The following CEP135 variants were observed in gnomAD, a reference collection of about 807,000 sequenced individuals.
CEP135 encodes the protein centrosomal protein of 135 kDa.
A neutral mutation model predicts 157.3 loss-of-function variants in CEP135; 142 were observed. That is an observed-to-expected ratio of 0.90 (90% confidence interval 0.79 to 1.04). The LOEUF is 1.04. CEP135 is among the 50% of genes least tolerant of loss of function. The pLI, the probability that CEP135 is intolerant of heterozygous loss-of-function variation, is 0.00. For missense variants in CEP135, 1,317 were observed against 1,309.2 expected, an observed-to-expected ratio of 1.01 and a Z score of -0.09; for synonymous variants, 396 against 439.8, an observed-to-expected ratio of 0.90 and a Z score of 1.25.
Position 56,009,763 on chromosome 4 carries a change from G to T in CEP135, c.2365G>T (p.Asp789Tyr). 6.2e-7 allele frequency: 1 copy of T among 1,611,684 alleles called. No individual in the cohort carries two copies. The highest frequency in any genetic ancestry group is 8.5e-7 in the Non-Finnish European group (1 of 1,179,554). Residue 789 changes from aspartate to tyrosine, a missense_variant, in exon 19 of 26, where the codon GAT (aspartate) becomes TAT (tyrosine). Physicochemically the swap from Asp to Tyr is radical, Grantham distance 160. Coordinates refer to ENST00000257287, the MANE Select transcript of CEP135 (RefSeq NM_025009.5). ...GCTGAAAGAAACATTGGTTAATCGA[G>T]ATCGTGAGATAAACAGCCTCCGGCG... is the stretch of plus-strand genomic sequence containing the variant. ...NQLKETLVNRDREINSLRRQL... is the reference protein window; with the variant it reads ...NQLKETLVNRYREINSLRRQL...
In CEP135 at chr4:55,982,172, T is replaced by C. The variant is rs1577883925; in HGVS notation, c.1779+793T>C. On this transcript the variant is annotated intron_variant, in intron 13 of 25. Coordinates refer to ENST00000257287, the MANE Select transcript of CEP135 (RefSeq NM_025009.5). Reference sequence around the variant, plus strand: ...CCTGTGTCTCTATAGATCTTCCTGCTCTGGATATTTCATATAAATTGAATC... The same window carrying C: ...CCTGTGTCTCTATAGATCTTCCTGCCCTGGATATTTCATATAAATTGAATC... Among the ~76,000 whole-genome samples, 3 of 152,290 alleles carry C rather than the reference T, an allele frequency of 2.0e-5. 1 individual carries two copies. In the South Asian group the frequency reaches 6.2e-4, roughly 32 times the overall value.
At chr4:55,982,140 G>GCAGC (rs1330738553) in intron 13 of CEP135, among the ~76,000 whole-genome samples, 7 of 152,158 alleles carry the variant, frequency 4.6e-5, no homozygotes, top group African/African-American at 1.7e-4. Flanking sequence ...TTAGCCACAG[G>GCAGC]CAGCCACCTG....
At chr4:55,981,120 A>G (rs1729390009) in intron 12 of CEP135, 107 bp from the exon 13 acceptor site, 4 of 934,940 alleles carry the variant, frequency 4.3e-6, no homozygotes, top group Admixed American at 6.8e-5. Context: ...GAGTGACGGT[A>G]GCATGTGTTC....
intron 5 of CEP135, 140 bp from the exon 6 acceptor site, chr4:55,959,542 T>C (rs112578667): frequency 2.9e-6 from 2 of 690,950 alleles, no homozygotes; most frequent in Admixed American, 2.7e-5. Context: ...TATATTGATT[T>C]GGGGACCCTT....
chr4:56,008,936 C>T (rs1001652063), intron 18 of CEP135, among the ~76,000 whole-genome samples: 2 of 152,150 alleles, frequency 1.3e-5, no homozygotes, highest in African/African-American at 4.8e-5. Flanking sequence ...CTCACTCTGT[C>T]GCACAGGCTG....
At chr4:56,011,368 G>A in intron 19 of CEP135, 44 bp from the exon 20 acceptor site, 1 of 1,231,152 alleles carries the variant, frequency 8.1e-7, no homozygotes, top group Non-Finnish European at 1.2e-6. Flanking sequence ...AATTTATTTG[G>A]TGTTGTGTTC....
intron 3 of CEP135, among the ~76,000 whole-genome samples, chr4:55,953,994 G>A (rs944906817): frequency 6.6e-6 from 1 of 152,188 alleles, no homozygotes; most frequent in African/African-American, 2.4e-5. Flanking sequence ...TGTACGTTAG[G>A]CTAATACAGT....
rs1284684323 is a variant in CEP135, at chr4:55,980,202, G to A, written c.1533G>A (p.Met511Ile). ...ITRERDELQR[M>I]LERFEKYMED... ...GAGAAAGAGATGAACTTCAGCGTAT[G>A]CTAGAAAGATTTGAAAAATATATGG... Residue 511 changes from methionine to isoleucine, a missense_variant, in exon 12 of 26, where the codon ATG (methionine) becomes ATA (isoleucine). By Grantham distance (10) the Met-to-Ile change is conservative. Transcript: ENST00000257287. The A allele has an allele frequency of 9.3e-6, 15 of 1,608,878 alleles. No individual in the cohort carries two copies. Among genetic ancestry groups the A allele is most frequent in the Non-Finnish European group, 1.3e-5 (15 of 1,176,064 alleles).
intron 11 of CEP135, among the ~76,000 whole-genome samples, chr4:55,978,996 C>T (rs73817303): frequency 0.021 from 3,264 of 152,290 alleles, 114 homozygotes; most frequent in African/African-American, 0.073. Context: ...CATCATGCCT[C>T]GGTTTTGCTT....
chr4:55,955,605 A>T (rs1358828057), intron 4 of CEP135, among the ~76,000 whole-genome samples: 3 of 152,186 alleles, frequency 2.0e-5, no homozygotes, highest in African/African-American at 7.2e-5. Context: ...AAAAGAGGAT[A>T]ATCAGGTTTC....
intron 25 of CEP135, among the ~76,000 whole-genome samples, chr4:56,026,220 T>C (rs1731155060): frequency 6.6e-6 from 1 of 151,712 alleles, no homozygotes; most frequent in East Asian, 1.9e-4. Context: ...AAAAATAAAA[T>C]ATAAAGCCTG....
At chr4:55,964,198 AAT>A (rs1181931211) in intron 6 of CEP135, 74 bp from the exon 7 acceptor site, 4 of 1,385,692 alleles carry the variant, frequency 2.9e-6, no homozygotes, top group Non-Finnish European at 3.9e-6. Flanking sequence ...AATATATCCA[AAT>A]AAATGTTTGT....
intron 9 of CEP135, among the ~76,000 whole-genome samples, chr4:55,971,002 T>A (rs1194048598): frequency 3.9e-5 from 6 of 152,174 alleles, no homozygotes; most frequent in Admixed American, 6.5e-5. Context: ...TAAGTATATA[T>A]TCATTTAGAA....
intron 25 of CEP135, among the ~76,000 whole-genome samples, chr4:56,029,498 A>G (rs1731266490): frequency 6.6e-6 from 1 of 152,242 alleles, no homozygotes; most frequent in Non-Finnish European, 1.5e-5. Flanking sequence ...GCTGTGGGCC[A>G]AGAACCAGGG....
At chr4:56,022,842 T>C (rs929608900) in intron 24 of CEP135, among the ~76,000 whole-genome samples, 3 of 152,282 alleles carry the variant, frequency 2.0e-5, no homozygotes, top group Admixed American at 1.3e-4. Flanking sequence ...GTGCCTGTAA[T>C]CCCAGCACTT....
chr4:55,969,256 GT>G (rs1196182081), intron 9 of CEP135, 128 bp downstream of exon 9: 1 of 640,568 alleles, frequency 1.6e-6, no homozygotes, highest in Non-Finnish European at 2.7e-6. Context: ...GCGAAACCCC[GT>G]CTCTACTAAA....
At chr4:56,024,464 C>T in intron 24 of CEP135, 37 bp from the exon 25 acceptor site, 1 of 1,496,610 alleles carries the variant, frequency 6.7e-7, no homozygotes, top group African/African-American at 1.4e-5. Flanking sequence ...TTCCCTGGTG[C>T]TTGAATATAT....
At chr4:56,002,133 C>T (rs1013436608) in intron 17 of CEP135, among the ~76,000 whole-genome samples, 1 of 152,060 alleles carries the variant, frequency 6.6e-6, no homozygotes, top group African/African-American at 2.4e-5. Flanking sequence ...TCAGTTCCCA[C>T]AGTTTTTTAG....
intron 22 of CEP135, among the ~76,000 whole-genome samples, chr4:56,018,338 G>A (rs568221053): frequency 1.3e-5 from 2 of 152,192 alleles, no homozygotes; most frequent in South Asian, 4.1e-4. Flanking sequence ...TTGATTCTTT[G>A]CAAGATTTCT....
Sources: allele counts gnomAD v4.1 joint callset (sites outside exome capture counted in the v4.1 genomes callset), GRCh38; gene constraint gnomAD v4.1.1; transcripts MANE v1.5; gene names NCBI Gene and HGNC (gene_info 2026-07-23, HGNC 2026-07-21).